The following RPS6KA2 variants were observed in gnomAD, a reference collection of about 807,000 sequenced individuals.
RPS6KA2 encodes ribosomal protein S6 kinase A2, also known as ribosomal protein S6 kinase alpha-2.
In RPS6KA2, 42 loss-of-function variants were observed where a neutral mutation model predicts 91.8. That is an observed-to-expected ratio of 0.46 (90% CI 0.36 to 0.59). The LOEUF is 0.59. Among genes scored for constraint, RPS6KA2 ranks in the 20% least tolerant of loss-of-function variants. The probability of loss-of-function intolerance (pLI) is 0.00; values close to 1 mark genes in which losing one functional copy is unlikely to be tolerated. For synonymous variants in RPS6KA2, 414 were observed against 393.6 expected (o/e 1.05, Z -0.61); for missense variants, 798 against 978.5 (o/e 0.82, Z 2.46).
Position 166,423,199 on chromosome 6 carries a change from G to A in RPS6KA2, c.1743+57C>T, listed in dbSNP as rs1437812317. On this transcript the variant is annotated intron_variant, in intron 17 of 20. Coordinates refer to ENST00000265678, the MANE Select transcript of RPS6KA2 (RefSeq NM_021135.6). This position sits in a 1 kb window ranked among gnomAD's most constrained non-coding sequence, Gnocchi z 4.8. ...GTCCGGTGGCTCTGCAGTGGGAGGG[G>A]GCAGAGCCTGTCTTTGCGGATAGAG... 1 of 1,536,212 alleles carries A rather than the reference G, an allele frequency of 6.5e-7. No individual in the cohort carries two copies. Among genetic ancestry groups the A allele is most frequent in the African/African-American group, 1.4e-5 (1 of 73,664 alleles).
At chr6:166,741,841 G>C (rs1344941850) in intron 2 of RPS6KA2, among the ~76,000 whole-genome samples, 1 of 152,074 alleles carries the variant, frequency 6.6e-6, no homozygotes, top group Non-Finnish European at 1.5e-5. Flanking sequence ...CTCAAGAAAG[G>C]CCAGGCCGGG....
At chr6:166,755,132 C>T (rs891991762) in intron 2 of RPS6KA2, among the ~76,000 whole-genome samples, 3 of 152,180 alleles carry the variant, frequency 2.0e-5, no homozygotes, top group African/African-American at 2.4e-5. Context: ...CAGCCAAAGC[C>T]GTGAAGGGTG....
At chr6:166,837,599 G>T (rs1780353091) in intron 2 of RPS6KA2, among the ~76,000 whole-genome samples, 1 of 152,234 alleles carries the variant, frequency 6.6e-6, no homozygotes, top group Admixed American at 6.5e-5. Context: ...TGGCCCCGTG[G>T]CTGGGGCTCT....
rs1429508335 is a variant in RPS6KA2, at chr6:166,549,393, C to T, written c.100-10609G>A. Among the ~76,000 whole-genome samples, 7 of 152,138 alleles carry T rather than the reference C, an allele frequency of 4.6e-5. No homozygotes were observed. The South Asian group carries it at 6.2e-4, about 14-fold the overall frequency. ...CAGCTTTATTTGTGATGCAAAAACT[C>T]GAACAGCCCAAATGGTCTTCAATGA... is the stretch of plus-strand genomic sequence containing the variant. On this transcript the variant is annotated intron_variant, in intron 1 of 20. Coordinates refer to ENST00000265678, the MANE Select transcript of RPS6KA2 (RefSeq NM_021135.6).
chr6:166,568,234 G>A (rs997895488), intron 1 of RPS6KA2, among the ~76,000 whole-genome samples: 3 of 152,160 alleles, frequency 2.0e-5, no homozygotes, highest in Admixed American at 1.3e-4. Flanking sequence ...GTCACAGACT[G>A]TCTGGAATTC....
chr6:166,638,541 G>A (rs1345838236), intron 2 of RPS6KA2, among the ~76,000 whole-genome samples: 1 of 151,542 alleles, frequency 6.6e-6, no homozygotes. Context: ...GGAGACAGGC[G>A]AAAGACGGAT....
At chr6:166,425,692 A>G (rs1395420598) in intron 16 of RPS6KA2, among the ~76,000 whole-genome samples, 2 of 151,816 alleles carry the variant, frequency 1.3e-5, no homozygotes, top group South Asian at 2.1e-4. Context: ...ACAAAGATCA[A>G]AAGAGACAAA....
At chr6:166,414,758 G>T (rs559093509) in intron 19 of RPS6KA2, among the ~76,000 whole-genome samples, 3 of 152,312 alleles carry the variant, frequency 2.0e-5, no homozygotes, top group African/African-American at 7.2e-5. Context: ...CACATTTGAA[G>T]AGGTAATAAA....
intron 2 of RPS6KA2, among the ~76,000 whole-genome samples, chr6:166,535,433 C>A (rs1783448424): frequency 6.6e-6 from 1 of 152,192 alleles, no homozygotes; most frequent in African/African-American, 2.4e-5. Flanking sequence ...TATCATGCTA[C>A]CAGCAAAGTC....
intron 1 of RPS6KA2, among the ~76,000 whole-genome samples, chr6:166,601,944 C>T (rs949943899): frequency 6.6e-6 from 1 of 152,124 alleles, no homozygotes; most frequent in African/African-American, 2.4e-5. Context: ...AGATTGGCCA[C>T]AAACTTGATA....
chr6:166,501,869 A>T (rs927063346), intron 6 of RPS6KA2, among the ~76,000 whole-genome samples: 1 of 152,236 alleles, frequency 6.6e-6, no homozygotes, highest in African/African-American at 2.4e-5. Flanking sequence ...AATCTGTGAT[A>T]CCTTTATAGA....
At chr6:166,801,085 G>A (rs1779353588) in intron 2 of RPS6KA2, among the ~76,000 whole-genome samples, 1 of 152,202 alleles carries the variant, frequency 6.6e-6, no homozygotes, top group South Asian at 2.1e-4. Context: ...CATGGTATGT[G>A]CACTTTTGTA....
At chr6:166,637,744 C>G (rs1045264755) in intron 2 of RPS6KA2, among the ~76,000 whole-genome samples, 1 of 152,242 alleles carries the variant, frequency 6.6e-6, no homozygotes, top group African/African-American at 2.4e-5. Flanking sequence ...GACCCAATCT[C>G]AAGCCAGGTT....
In RPS6KA2 at chr6:166,503,902, A is replaced by G. The variant is rs1407543548; in HGVS notation, c.566+604T>C. Among the ~76,000 whole-genome samples the G allele has an allele frequency of 2.0e-5, 3 of 152,326 alleles. No individual in the cohort carries two copies. In the East Asian group the frequency reaches 5.8e-4, roughly 29 times the overall value. Reference sequence around the variant, plus strand: ...CCACTGCCAAGGATATACAAATCTCAGTGGACTCTGGGTCTGAGAATTCTG... The same window carrying G: ...CCACTGCCAAGGATATACAAATCTCGGTGGACTCTGGGTCTGAGAATTCTG... On this transcript the variant is annotated intron_variant, in intron 6 of 20. Transcript: ENST00000265678.
chr6:166,783,589 C>A (rs1374041844), intron 2 of RPS6KA2, among the ~76,000 whole-genome samples: 3 of 152,052 alleles, frequency 2.0e-5, no homozygotes, highest in Admixed American at 1.3e-4. Context: ...TACACATGCA[C>A]ACATATCTAA....
At chr6:166,643,727 C>T (rs1367736000) in intron 2 of RPS6KA2, among the ~76,000 whole-genome samples, 1 of 152,228 alleles carries the variant, frequency 6.6e-6, no homozygotes, top group African/African-American at 2.4e-5. Flanking sequence ...ACTGAATCCT[C>T]CTAAAGTTCT....
At chr6:166,820,585 G>A (rs141988150) in intron 2 of RPS6KA2, among the ~76,000 whole-genome samples, 125 of 152,294 alleles carry the variant, frequency 8.2e-4, no homozygotes, top group African/African-American at 2.8e-3. Flanking sequence ...GTTCTATTCT[G>A]TTACCACAAA....
At chr6:166,454,333 A>G (rs922078615) in intron 12 of RPS6KA2, among the ~76,000 whole-genome samples, 1 of 152,130 alleles carries the variant, frequency 6.6e-6, no homozygotes, top group Non-Finnish European at 1.5e-5. Context: ...CCCTGTCTCT[A>G]TTAAAAATAC....
At chr6:166,751,957 C>T (rs1183413922) in intron 2 of RPS6KA2, among the ~76,000 whole-genome samples, 2 of 152,002 alleles carry the variant, frequency 1.3e-5, no homozygotes, top group Non-Finnish European at 2.9e-5. Flanking sequence ...GGCCAGACTC[C>T]GTGGAGCACA....
Sources: allele counts gnomAD v4.1 joint callset (sites outside exome capture counted in the v4.1 genomes callset), GRCh38; gene constraint gnomAD v4.1.1; non-coding constraint Gnocchi (gnomAD v3.1); transcripts MANE v1.5; gene names NCBI Gene and HGNC (gene_info 2026-07-23, HGNC 2026-07-21).